Variants in UNC119B observed in about 807,000 individuals in gnomAD.
The protein encoded by UNC119B is protein unc-119 homolog B.
UNC119B carries 16 observed loss-of-function variants against 23.4 expected under a neutral mutation model. The observed-to-expected ratio is 0.68, with a 90% confidence interval of 0.46 to 1.04. The LOEUF is 1.04. UNC119B is among the 50% of genes least tolerant of loss of function. The pLI, the probability that UNC119B is intolerant of heterozygous loss-of-function variation, is 0.00. For synonymous variants in UNC119B, 144 were observed against 145.4 expected, an observed-to-expected ratio of 0.99 and a Z score of 0.07; for missense variants, 350 against 361.3, an observed-to-expected ratio of 0.97 and a Z score of 0.25.
At position 120,721,280 on chromosome 12, in the gene UNC119B, A is replaced by T. The variant is rs1462398556; in HGVS notation, c.*1248A>T. ...TGTCAGAGTGATGTGTTCTCAAAAA[A>T]GTTCACTTGCACATCTGTGGGCTGC... On this transcript the variant is annotated 3_prime_UTR_variant, in exon 5 of 5. Coordinates refer to ENST00000344651, the MANE Select transcript of UNC119B (RefSeq NM_001080533.3). 5 of 152,236 alleles carry T rather than the reference A, an allele frequency of 3.3e-5. No individual in the cohort carries two copies. Among genetic ancestry groups the T allele is most frequent in the African/African-American group, 1.2e-4 (5 of 41,450 alleles). The allele number at this position is 152,236 out of a possible 1,614,324, so 9.4% of individuals were successfully genotyped here.
At chr12:120,710,772 G>A in intron 1 of UNC119B, 54 bp downstream of exon 1, 1 of 1,283,192 alleles carries the variant, frequency 7.8e-7, no homozygotes, top group Non-Finnish European at 9.8e-7. Flanking sequence ...GGCTCCCGGA[G>A]CCTTCAGCGG....
chr12:120,713,196 C>A, intron 1 of UNC119B, 78 bp from the exon 2 acceptor site: 1 of 1,241,716 alleles, frequency 8.1e-7, no homozygotes, highest in Non-Finnish European at 1.1e-6. Context: ...TCTGAGTTTG[C>A]TTCAAAACTT....
In UNC119B at chr12:120,710,631, G is replaced by A. The variant is rs919650374; in HGVS notation, c.157G>A (p.Val53Ile). The A allele has an allele frequency of 2.1e-6, 3 of 1,444,452 alleles. No homozygotes were observed. The highest frequency in any genetic ancestry group is 2.7e-5 in the Admixed American group (1 of 37,720). The allele number at this position is 1,444,452 out of a possible 1,614,324, so 89.5% of individuals were successfully genotyped here. A position where few individuals can be genotyped will look rare whatever the true frequency, so the allele number is the denominator to read the frequency against. Reference sequence around the variant, plus strand: ...GCCCCACCACGCGGCCGACGACGGCGTCGGGGCAGCGGTCACGGAGCAGGA... The same window carrying A: ...GCCCCACCACGCGGCCGACGACGGCATCGGGGCAGCGGTCACGGAGCAGGA... ...QAPHHAADDG[V>I]GAAVTEQELL... Residue 53 changes from valine (V) to isoleucine (I), a missense_variant, in exon 1 of 5, where the codon GTC becomes ATC. Transcript: ENST00000344651.
chr12:120,720,072 C>T lies in UNC119B; in HGVS notation c.*40C>T. The T allele has an allele frequency of 6.9e-7, 1 of 1,452,922 alleles. No individual in the cohort carries two copies. The highest frequency in any genetic ancestry group is 9.7e-7 in the Non-Finnish European group (1 of 1,036,066). 90.0% of individuals were successfully genotyped at this position (1,452,922 alleles called of 1,614,324 possible). On this transcript the variant is annotated 3_prime_UTR_variant, in exon 5 of 5. Transcript: ENST00000344651. ...GATAGGGGAGGTGCTTTGCCGCGGC[C>T]ACAAGATCCTGGCACACGGAGATGA...
chr12:120,716,756 C>G lies in UNC119B; in HGVS notation c.470+17C>G, dbSNP rs367820631. On this transcript the variant is annotated intron_variant, in intron 3 of 4. Transcript: ENST00000344651. ...CGGGGCTACGTGAGTACCATTACTACCTGAGGGGAGAACATTCTGTTTGTT... is the reference window on the plus strand; with the variant it reads ...CGGGGCTACGTGAGTACCATTACTAGCTGAGGGGAGAACATTCTGTTTGTT... 1.9e-6 allele frequency: 3 copies of G among 1,612,320 alleles called. No individual in the cohort carries two copies. The East Asian group carries it at 6.7e-5, about 36-fold the overall frequency.
chr12:120,716,940 C>T lies in UNC119B; in HGVS notation c.541C>T (p.His181Tyr), dbSNP rs372639252. 13 of 1,613,798 alleles carry T rather than the reference C, an allele frequency of 8.1e-6. No homozygotes were observed. The highest frequency in any genetic ancestry group is 8.5e-6 in the Non-Finnish European group (10 of 1,179,876). Residue 181 changes from histidine (H) to tyrosine (Y), a missense_variant, in exon 4 of 5, where the codon CAC (histidine) becomes TAC (tyrosine). Coordinates refer to ENST00000344651, the MANE Select transcript of UNC119B (RefSeq NM_001080533.3). ...GATCGAACGGCACTATTTCCGGGAA[C>T]ACTTGCTGAAAAACTTTGACTTTGA... is the stretch of plus-strand genomic sequence containing the variant. ...RMIERHYFRE[H>Y]LLKNFDFDFG...
intron 2 of UNC119B, among the ~76,000 whole-genome samples, 189 bp from the exon 3 acceptor site, chr12:120,716,438 AG>A (rs1274367129): frequency 6.6e-6 from 1 of 152,202 alleles, no homozygotes; most frequent in African/African-American, 2.4e-5. Flanking sequence ...AACACCTCGA[AG>A]GGTTGTTGTA....
chr12:120,711,935 G>A (rs534040740), intron 1 of UNC119B, among the ~76,000 whole-genome samples: 2 of 152,220 alleles, frequency 1.3e-5, no homozygotes, highest in African/African-American at 4.8e-5. Flanking sequence ...AGACCTGAAC[G>A]TATCTTTAGA....
At position 120,716,890 on chromosome 12, in the gene UNC119B, A is replaced by G. The variant is rs774317003; in HGVS notation, c.491A>G (p.Asp164Gly). ...VGATVEFTVG[D>G]KPVSNFRMIE... ...TCCAGGGTGGAGTTCACAGTGGGAGACAAACCTGTTTCAAACTTCCGGATG... is the reference window on the plus strand; with the variant it reads ...TCCAGGGTGGAGTTCACAGTGGGAGGCAAACCTGTTTCAAACTTCCGGATG... Residue 164 changes from aspartate to glycine, a missense_variant, in exon 4 of 5, where the codon GAC becomes GGC. Coordinates refer to ENST00000344651, the MANE Select transcript of UNC119B (RefSeq NM_001080533.3). 1 of 1,611,922 alleles carries G rather than the reference A, an allele frequency of 6.2e-7. No individual in the cohort carries two copies. Among genetic ancestry groups the G allele is most frequent in the East Asian group, 2.2e-5 (1 of 44,858 alleles).
intron 2 of UNC119B, among the ~76,000 whole-genome samples, chr12:120,715,629 G>C (rs113900272): frequency 0.044 from 6,212 of 139,654 alleles, 175 homozygotes; most frequent in South Asian, 0.11. Flanking sequence ...CGCCTCCCGG[G>C]TTCAAGCAAT....
intron 4 of UNC119B, 53 bp from the exon 5 acceptor site, chr12:120,719,867 C>A: frequency 1.5e-6 from 2 of 1,324,342 alleles, no homozygotes; most frequent in Admixed American, 1.7e-5. Context: ...CCCTGTGGGG[C>A]AGACTCAAAC....
chr12:120,715,833 C>T (rs1209032027), intron 2 of UNC119B, among the ~76,000 whole-genome samples: 1 of 152,086 alleles, frequency 6.6e-6, no homozygotes, highest in African/African-American at 2.4e-5. Flanking sequence ...GTGCCCAGCC[C>T]TCTGATTCAT....
rs1275074478 is a variant in UNC119B at position 120,722,790 on chromosome 12, G to A, written c.*2758G>A. 6.6e-6 allele frequency: 1 copy of A among 152,204 alleles called. No individual in the cohort carries two copies. Among genetic ancestry groups the A allele is most frequent in the African/African-American group, 2.4e-5 (1 of 41,444 alleles). 9.4% of individuals were successfully genotyped at this position (152,204 alleles called of 1,614,324 possible). The stretch of plus-strand genomic sequence containing the variant: ...TTTATTTCATTCTATGTTTTAAGAG[G>A]TAAAAGGACATAACAAGTGAAAGAA... On this transcript the variant is annotated 3_prime_UTR_variant, in exon 5 of 5. Coordinates refer to ENST00000344651, the MANE Select transcript of UNC119B (RefSeq NM_001080533.3).
Position 120,710,489 on chromosome 12 carries a change from C to T in UNC119B, c.15C>T (p.Asn5=), listed in dbSNP as rs781103488. 25 of 1,353,944 alleles carry T rather than the reference C, an allele frequency of 1.8e-5. No homozygotes were observed. The highest frequency in any genetic ancestry group is 1.2e-4 in the East Asian group (4 of 33,050). 83.9% of individuals were successfully genotyped at this position (1,353,944 alleles called of 1,614,324 possible). A position where few individuals can be genotyped will look rare whatever the true frequency, so the allele number is the denominator to read the frequency against. Residue 5 remains asparagine (N), a synonymous_variant, in exon 1 of 5, where the codon AAC becomes AAT. Coordinates refer to ENST00000344651, the MANE Select transcript of UNC119B (RefSeq NM_001080533.3). ...GCGGCGGAGCGATGAGCGGGTCTAA[C>T]CCGAAGGCTGCGGCCGCGGCGTCGG... MSGS[N]PKAAAAASAA... is the part of the protein sequence containing the mutation.
In UNC119B at chr12:120,720,971, T is replaced by C. The variant is rs1265090368; in HGVS notation, c.*939T>C. On this transcript the variant is annotated 3_prime_UTR_variant, in exon 5 of 5. Coordinates refer to ENST00000344651, the MANE Select transcript of UNC119B (RefSeq NM_001080533.3). Reference sequence around the variant, plus strand: ...ATCAGCTTCCAGGGGCTAATCTGGCTTATGTTGGGAGGATATGCTTACGAA... The same window carrying C: ...ATCAGCTTCCAGGGGCTAATCTGGCCTATGTTGGGAGGATATGCTTACGAA... The C allele has an allele frequency of 6.6e-6, 1 of 152,240 alleles. No individual in the cohort carries two copies. The highest frequency in any genetic ancestry group is 1.5e-5 in the Non-Finnish European group (1 of 68,060). The allele number at this position is 152,240 out of a possible 1,614,324, so 9.4% of individuals were successfully genotyped here.
chr12:120,718,157 T>A (rs1247551095), intron 4 of UNC119B, among the ~76,000 whole-genome samples: 1 of 152,152 alleles, frequency 6.6e-6, no homozygotes, highest in South Asian at 2.1e-4. Context: ...CTTGAGCCAC[T>A]GCGCCCGGCC....
At position 120,723,355 on chromosome 12, in the gene UNC119B, T is replaced by A. The variant is rs1015232798; in HGVS notation, c.*3323T>A. On this transcript the variant is annotated 3_prime_UTR_variant, in exon 5 of 5. Coordinates refer to ENST00000344651, the MANE Select transcript of UNC119B (RefSeq NM_001080533.3). The stretch of plus-strand genomic sequence containing the variant: ...CTCACATTCCATGTCACAGAACATA[T>A]CAGCCTCAAGAAGGATTTGGTGGAG... 6.5e-6 allele frequency: 1 copy of A among 153,438 alleles called. No homozygotes were observed. The allele number at this position is 153,438 out of a possible 1,614,324, so 9.5% of individuals were successfully genotyped here.
intron 1 of UNC119B, chr12:120,711,014 C>G (rs1882654623): frequency 3.9e-6 from 1 of 256,234 alleles, no homozygotes; most frequent in Admixed American, 5.5e-5. Flanking sequence ...GGGCCCCGTT[C>G]AGCTGAACTG....
At chr12:120,713,047 T>C (rs1280303733) in intron 1 of UNC119B, among the ~76,000 whole-genome samples, 1 of 152,262 alleles carries the variant, frequency 6.6e-6, no homozygotes. Context: ...TCTAAAAGTT[T>C]TGCAATTTTT....
Sources: allele counts gnomAD v4.1 joint callset (sites outside exome capture counted in the v4.1 genomes callset), GRCh38; gene constraint gnomAD v4.1.1; transcripts MANE v1.5; gene names NCBI Gene and HGNC (gene_info 2026-07-23, HGNC 2026-07-21).